C1orf21: variants seen among roughly 807,000 people sequenced by gnomAD.
The protein encoded by C1orf21 is uncharacterized protein C1orf21.
In C1orf21, 3 loss-of-function variants were observed where a neutral mutation model predicts 18.7. The ratio of observed to expected loss-of-function variants is 0.16; its 90% CI spans 0.07 to 0.42. The LOEUF (loss-of-function observed/expected upper bound fraction) is 0.42. Among genes scored for constraint, C1orf21 ranks in the 10% least tolerant of loss-of-function variants. The probability of loss-of-function intolerance (pLI) is 0.99; values close to 1 mark genes in which losing one functional copy is unlikely to be tolerated. For missense variants in C1orf21, 104 were observed against 143.6 expected, an observed-to-expected ratio of 0.72 and a Z score of 1.41; for synonymous variants, 41 against 46.4, an observed-to-expected ratio of 0.88 and a Z score of 0.47.
intron 3 of C1orf21, among the ~76,000 whole-genome samples, chr1:184,568,986 G>A (rs560581253): frequency 3.9e-5 from 6 of 152,316 alleles, no homozygotes; most frequent in South Asian, 4.1e-4. Context: ...CGTGAACACC[G>A]TCTTTAGGGG....
chr1:184,562,638 C>T (rs1057408594), intron 3 of C1orf21, among the ~76,000 whole-genome samples: 7 of 152,220 alleles, frequency 4.6e-5, no homozygotes, highest in African/African-American at 7.2e-5. Context: ...GTCTACACAG[C>T]GCCTTTCAGC....
intron 5 of C1orf21, among the ~76,000 whole-genome samples, chr1:184,607,840 T>C (rs1659671735): frequency 1.3e-5 from 2 of 151,946 alleles, no homozygotes; most frequent in Non-Finnish European, 2.9e-5. Context: ...ATGATAAAAA[T>C]TGTATGATAC....
chr1:184,585,984 G>A (rs115342151), intron 3 of C1orf21, among the ~76,000 whole-genome samples: 9,409 of 152,096 alleles, frequency 0.062, 412 homozygotes, highest in African/African-American at 0.11. Context: ...GTATATAATC[G>A]GTAATGGGAT....
chr1:184,575,627 AAAAAG>A (rs67240459), intron 3 of C1orf21, among the ~76,000 whole-genome samples: 9,862 of 144,146 alleles, frequency 0.068, 377 homozygotes, highest in Non-Finnish European at 0.082. Flanking sequence ...AAAAAAAAAA[AAAAAG>A]AAGAACTTTA....
chr1:184,465,103 C>T (rs1170371325), intron 1 of C1orf21, among the ~76,000 whole-genome samples: 2 of 152,136 alleles, frequency 1.3e-5, no homozygotes, highest in Non-Finnish European at 2.9e-5. Flanking sequence ...GGAACCTTGA[C>T]CTTAGTCATG....
chr1:184,501,050 CAG>C (rs1006771720), intron 2 of C1orf21, among the ~76,000 whole-genome samples: 5 of 152,064 alleles, frequency 3.3e-5, no homozygotes, highest in African/African-American at 1.2e-4. Flanking sequence ...TGCCTTTTTT[CAG>C]AGAGAGGCAG....
chr1:184,539,517 T>C (rs934208889), intron 3 of C1orf21, among the ~76,000 whole-genome samples: 3 of 152,230 alleles, frequency 2.0e-5, no homozygotes, highest in African/African-American at 7.2e-5. Flanking sequence ...AATAAGTTAG[T>C]AAATGTTTCC....
At chr1:184,452,413 CA>C (rs113801207) in intron 1 of C1orf21, among the ~76,000 whole-genome samples, 22,411 of 152,154 alleles carry the variant, frequency 0.15, 1,709 homozygotes, top group Middle Eastern at 0.2. Flanking sequence ...GGTAGGGTCA[CA>C]AGTTGGAGGT....
chr1:184,470,792 T>C (rs982923624), intron 1 of C1orf21, among the ~76,000 whole-genome samples: 2 of 151,562 alleles, frequency 1.3e-5, no homozygotes. Flanking sequence ...GGCAGGAGAA[T>C]CACTTGAACC....
At chr1:184,543,082 G>A (rs1480412639) in intron 3 of C1orf21, among the ~76,000 whole-genome samples, 3 of 152,242 alleles carry the variant, frequency 2.0e-5, no homozygotes, top group Middle Eastern at 6.8e-3. Flanking sequence ...CTTTCCTCTG[G>A]CTCAACGCCT....
At chr1:184,411,539 A>AGCC (rs1656354141) in intron 1 of C1orf21, among the ~76,000 whole-genome samples, 1 of 147,940 alleles carries the variant, frequency 6.8e-6, no homozygotes, top group Non-Finnish European at 1.5e-5. Context: ...CTCCTGCCTC[A>AGCC]GCCTCCCGAG....
At chr1:184,510,217 G>C (rs190985800) in intron 3 of C1orf21, among the ~76,000 whole-genome samples, 274 of 152,314 alleles carry the variant, frequency 1.8e-3, no homozygotes, top group African/African-American at 6.3e-3. Flanking sequence ...AGTTCTGAGA[G>C]ACACAGAGTA....
intron 1 of C1orf21, among the ~76,000 whole-genome samples, chr1:184,421,677 T>G (rs1261389245): frequency 6.6e-6 from 1 of 152,204 alleles, no homozygotes; most frequent in East Asian, 1.9e-4. Context: ...TTCTGTTTTT[T>G]TAACTACTCA....
intron 1 of C1orf21, among the ~76,000 whole-genome samples, chr1:184,389,358 A>G (rs922974743): frequency 6.6e-6 from 1 of 152,140 alleles, no homozygotes; most frequent in African/African-American, 2.4e-5. Flanking sequence ...TTAAAAGTTC[A>G]TCCTAGAAGG....
chr1:184,509,228 T>A (rs1658110138), intron 3 of C1orf21, among the ~76,000 whole-genome samples: 1 of 152,188 alleles, frequency 6.6e-6, no homozygotes, highest in Non-Finnish European at 1.5e-5. Flanking sequence ...CATCATCATA[T>A]TTAGGACCAG....
At chr1:184,444,116 C>T (rs1267327579) in intron 1 of C1orf21, among the ~76,000 whole-genome samples, 1 of 152,110 alleles carries the variant, frequency 6.6e-6, no homozygotes, top group South Asian at 2.1e-4. Flanking sequence ...GAAAGAGATC[C>T]CAGGGCCTAA....
At chr1:184,590,274 G>C (rs1016787026) in intron 3 of C1orf21, among the ~76,000 whole-genome samples, 10 of 152,184 alleles carry the variant, frequency 6.6e-5, no homozygotes, top group African/African-American at 2.4e-4. Context: ...CATTTGTCGT[G>C]GGTTTTAGTC....
intron 1 of C1orf21, among the ~76,000 whole-genome samples, chr1:184,398,203 T>A (rs1187210136): frequency 6.6e-6 from 1 of 152,210 alleles, no homozygotes; most frequent in Non-Finnish European, 1.5e-5. Flanking sequence ...GAGTGATGAC[T>A]CTGTGCCTAG....
chr1:184,540,873 T>C (rs1420128143), intron 3 of C1orf21, among the ~76,000 whole-genome samples: 1 of 152,232 alleles, frequency 6.6e-6, no homozygotes, highest in African/African-American at 2.4e-5. Context: ...ATCATACCAG[T>C]TTTTTCTCCA....
Sources: gnomAD v4.1 joint callset for allele counts (sites outside exome capture counted in the v4.1 genomes callset) on GRCh38, gnomAD v4.1.1 for gene constraint, MANE v1.5 for transcripts, NCBI Gene and HGNC (gene_info 2026-07-23, HGNC 2026-07-21) for gene names.